HNRNPD: variants seen among roughly 807,000 people sequenced by gnomAD.
HNRNPD encodes the protein heterogeneous nuclear ribonucleoprotein D.
In HNRNPD, 3 loss-of-function variants were observed where a neutral mutation model predicts 47.9. The ratio of observed to expected loss-of-function variants is 0.06; its 90% CI spans 0.03 to 0.16. The LOEUF (loss-of-function observed/expected upper bound fraction) is 0.16, where lower values mean the gene tolerates loss of function less well. Among genes scored for constraint, HNRNPD ranks in the 10% least tolerant of loss-of-function variants. HNRNPD has a pLI of 1.00. For missense variants in HNRNPD, 287 were observed against 454.2 expected, an observed-to-expected ratio of 0.63 and a Z score of 3.35; for synonymous variants, 171 against 165.1, an observed-to-expected ratio of 1.04 and a Z score of -0.28.
intron 2 of HNRNPD, among the ~76,000 whole-genome samples, chr4:82,368,391 G>T (rs1337953106): frequency 3.3e-5 from 5 of 152,078 alleles, no homozygotes; most frequent in Non-Finnish European, 5.9e-5. Context: ...TGTAGAAAGG[G>T]TCACATGGCT....
chr4:82,373,085 A>G (rs1720153502), intron 1 of HNRNPD: 1 of 492,056 alleles, frequency 2.0e-6, no homozygotes, highest in Non-Finnish European at 4.0e-6. Context: ...GAAAAAGGGA[A>G]AAAGAGGGGA....
At chr4:82,358,122 A>C (rs962537703) in intron 4 of HNRNPD, 1 of 152,466 alleles carries the variant, frequency 6.6e-6, no homozygotes, top group African/African-American at 2.4e-5. Flanking sequence ...AGTTTGTTTT[A>C]CTTTTAATTG....
intron 4 of HNRNPD, chr4:82,358,417 T>C (rs1363668130): frequency 5.4e-6 from 2 of 370,526 alleles, no homozygotes; most frequent in East Asian, 8.5e-5. Context: ...AATGTTTGTC[T>C]ATTTCATCTT....
At chr4:82,356,490 C>T in intron 7 of HNRNPD, 47 bp downstream of exon 7, 1 of 1,482,472 alleles carries the variant, frequency 6.7e-7, no homozygotes, top group Non-Finnish European at 9.3e-7. Flanking sequence ...CAAATTTGTA[C>T]AAAATAAATG....
At chr4:82,372,364 G>A (rs1447299318) in intron 1 of HNRNPD, among the ~76,000 whole-genome samples, 1 of 152,212 alleles carries the variant, frequency 6.6e-6, no homozygotes, top group East Asian at 1.9e-4. Flanking sequence ...TTCAATTGGA[G>A]GAAGCAAGTT....
At chr4:82,363,070 T>C (rs1719563570) in intron 2 of HNRNPD, among the ~76,000 whole-genome samples, 1 of 143,026 alleles carries the variant, frequency 7.0e-6, no homozygotes, top group South Asian at 2.2e-4. Context: ...ATATATACAT[T>C]TACAAATACT....
At chr4:82,372,964 T>C (rs931431625) in intron 1 of HNRNPD, among the ~76,000 whole-genome samples, 2 of 152,174 alleles carry the variant, frequency 1.3e-5, no homozygotes, top group Non-Finnish European at 2.9e-5. Context: ...CCCCAAAACA[T>C]GTGCTTATAA....
In HNRNPD at chr4:82,353,726, A is replaced by C. The variant is rs187263552; in HGVS notation, c.*459T>G. ...ACATTTCAAACTTCACTGCAATTTT[A>C]ATCATGTCCTCAATTTCGGCAAGCC... On this transcript the variant is annotated 3_prime_UTR_variant, in exon 9 of 9. Transcript: ENST00000313899. The C allele has an allele frequency of 1.3e-5, 2 of 152,802 alleles. No homozygotes were observed. Among genetic ancestry groups the C allele is most frequent in the Admixed American group, 6.5e-5 (1 of 15,312 alleles). The allele number at this position is 152,802 out of a possible 1,614,324, so 9.5% of individuals were successfully genotyped here.
At chr4:82,365,903 C>T (rs1008154952) in intron 2 of HNRNPD, among the ~76,000 whole-genome samples, 1 of 151,200 alleles carries the variant, frequency 6.6e-6, no homozygotes, top group East Asian at 1.9e-4. Flanking sequence ...AGCCACCGCA[C>T]CCAGCCCACT....
chr4:82,355,160 A>G (rs570207467), intron 8 of HNRNPD, 144 bp downstream of exon 8: 12 of 627,576 alleles, frequency 1.9e-5, no homozygotes, highest in African/African-American at 1.7e-4. Flanking sequence ...CCTGTGTTAC[A>G]TATCTTTGAA....
intron 4 of HNRNPD, chr4:82,358,430 T>C: frequency 2.5e-6 from 1 of 404,434 alleles, no homozygotes; most frequent in Non-Finnish European, 4.4e-6. Flanking sequence ...TTCATCTTTG[T>C]ATACTCTACC....
At chr4:82,367,915 C>T (rs1719844101) in intron 2 of HNRNPD, among the ~76,000 whole-genome samples, 1 of 152,294 alleles carries the variant, frequency 6.6e-6, no homozygotes, top group Non-Finnish European at 1.5e-5. Flanking sequence ...GTTTCCAACA[C>T]ATAGATCAGC....
intron 2 of HNRNPD, among the ~76,000 whole-genome samples, chr4:82,364,979 A>G (rs997607958): frequency 1.3e-5 from 2 of 152,192 alleles, no homozygotes; most frequent in African/African-American, 4.8e-5. Context: ...CAAACACCTT[A>G]TTCAAGGTAA....
At position 82,354,010 on chromosome 4, in the gene HNRNPD, G is replaced by A. The variant is rs1441260904; in HGVS notation, c.*175C>T. On this transcript the variant is annotated 3_prime_UTR_variant, in exon 9 of 9. Transcript: ENST00000313899. Reference sequence around the variant, plus strand: ...AATGAAAGCAAATTTCTTTTAATGAGAACTCAGAATTAAACTTCAGAGGGA... The same window carrying A: ...AATGAAAGCAAATTTCTTTTAATGAAAACTCAGAATTAAACTTCAGAGGGA... 6.6e-6 allele frequency: 1 copy of A among 152,606 alleles called. No homozygotes were observed. Among genetic ancestry groups the A allele is most frequent in the Non-Finnish European group, 1.5e-5 (1 of 68,024 alleles). The allele number at this position is 152,606 out of a possible 1,614,324, so 9.5% of individuals were successfully genotyped here.
chr4:82,363,283 A>G (rs1049206693), intron 2 of HNRNPD, among the ~76,000 whole-genome samples: 4 of 151,446 alleles, frequency 2.6e-5, no homozygotes, highest in Non-Finnish European at 5.9e-5. Flanking sequence ...GTTTCACCAT[A>G]TTGGTCAGGC....
At chr4:82,370,981 T>TATACATACACACAC (rs142474751) in intron 2 of HNRNPD, among the ~76,000 whole-genome samples, 3 of 149,354 alleles carry the variant, frequency 2.0e-5, no homozygotes, top group Admixed American at 6.7e-5. Flanking sequence ...GGTATATATA[T>TATACATACACACAC]ACACACACAC....
chr4:82,369,384 C>T (rs1719918638), intron 2 of HNRNPD, among the ~76,000 whole-genome samples: 1 of 152,188 alleles, frequency 6.6e-6, no homozygotes, highest in Admixed American at 6.5e-5. Flanking sequence ...ACTGTAGAAA[C>T]ATCCACTAGA....
intron 2 of HNRNPD, among the ~76,000 whole-genome samples, chr4:82,370,148 T>C (rs1329370096): frequency 6.6e-6 from 1 of 152,086 alleles, no homozygotes; most frequent in African/African-American, 2.4e-5. Context: ...GTCTCAAAAA[T>C]AAAATAAACC....
In HNRNPD at chr4:82,359,477, T is replaced by G; in HGVS notation, c.453A>C (p.Val151=). 6.4e-7 allele frequency: 1 copy of G among 1,573,930 alleles called. No individual in the cohort carries two copies. The highest frequency in any genetic ancestry group is 8.7e-7 in the Non-Finnish European group (1 of 1,151,244). The part of the protein sequence containing the change: ...GFVLFKESES[V]DKVMDQKEHK... The stretch of plus-strand genomic sequence containing the variant: ...AGAACACGTAACACACTACCTTATC[T>G]ACACTCTCCGATTCTTTAAATAGCA... Residue 151 remains valine (V), a synonymous_variant, in exon 3 of 9, where the codon GTA becomes GTC. Transcript: ENST00000313899.
Sources: gnomAD v4.1 joint callset for allele counts (sites outside exome capture counted in the v4.1 genomes callset) on GRCh38, gnomAD v4.1.1 for gene constraint, MANE v1.5 for transcripts, NCBI Gene and HGNC (gene_info 2026-07-23, HGNC 2026-07-21) for gene names.